COL5A1: variants seen among roughly 807,000 people sequenced by gnomAD.
COL5A1 encodes collagen type V alpha 1 chain, also known as collagen alpha-1(V) chain.
In COL5A1, 16 loss-of-function variants were observed where a neutral mutation model predicts 263.7. That is an observed-to-expected ratio of 0.06 (90% CI 0.04 to 0.09). The LOEUF is 0.09. Ranked by LOEUF, COL5A1 falls within the 10% of genes least tolerant of loss-of-function variation. The pLI, the probability that COL5A1 is intolerant of heterozygous loss-of-function variation, is 1.00. For synonymous variants in COL5A1, 1,012 were observed against 1,004.5 expected, an observed-to-expected ratio of 1.01 and a Z score of -0.14; for missense variants, 2,036 against 2,540.5, an observed-to-expected ratio of 0.80 and a Z score of 4.27.
rs150983463 is a variant in COL5A1 at position 134,818,347 on chromosome 9, C to G, written c.4231-309C>G. Among the ~76,000 whole-genome samples, 1 of 152,150 alleles carries G rather than the reference C, an allele frequency of 6.6e-6. No homozygotes were observed. The highest frequency in any genetic ancestry group is 6.5e-5 in the Admixed American group (1 of 15,280). Reference sequence around the variant, plus strand: ...GCACTGTCTGCCTCCCTCCTGGAGGCGCCTGTTGTTAAGGAGACGGGAGGT... The same window carrying G: ...GCACTGTCTGCCTCCCTCCTGGAGGGGCCTGTTGTTAAGGAGACGGGAGGT... On this transcript the variant is annotated intron_variant, in intron 54 of 65. Coordinates refer to ENST00000371817, the MANE Select transcript of COL5A1 (RefSeq NM_000093.5). This position sits in a 1 kb window ranked among gnomAD's most constrained non-coding sequence, Gnocchi z 6.0.
At chr9:134,709,195 C>T (rs896958746) in intron 4 of COL5A1, 6 of 349,878 alleles carry the variant, frequency 1.7e-5, no homozygotes, top group East Asian at 1.5e-4. Context: ...AGGGGTTTTT[C>T]GTCTCTTAAA....
Position 134,818,698 on chromosome 9 carries a change from A to G in COL5A1, c.4273A>G (p.Ile1425Val). The G allele has an allele frequency of 2.5e-6, 4 of 1,609,444 alleles. No homozygotes were observed. The highest frequency in any genetic ancestry group is 2.5e-6 in the Non-Finnish European group (3 of 1,178,580). ...LEGPPGKTGP[I>V]GPQGAPGKPG... ...AGGCCCTCCTGGGAAGACTGGCCCCATCGGCCCCCAGGGGGCCCCTGGGAA... is the reference window on the plus strand; with the variant it reads ...AGGCCCTCCTGGGAAGACTGGCCCCGTCGGCCCCCAGGGGGCCCCTGGGAA... Residue 1425 changes from isoleucine (I) to valine (V), a missense_variant, in exon 55 of 66, where the codon ATC becomes GTC. Physicochemically the swap from Ile to Val is conservative, Grantham distance 29. Around this residue, in one of 3 missense-constraint regions of COL5A1, gnomAD observed 1,078 missense variants for 1,521.4 expected, o/e 0.71. Coordinates refer to ENST00000371817, the MANE Select transcript of COL5A1 (RefSeq NM_000093.5). This position sits in a 1 kb window ranked among gnomAD's most constrained non-coding sequence, Gnocchi z 6.0.
At chr9:134,729,474 G>A (rs1588478253) in intron 6 of COL5A1, among the ~76,000 whole-genome samples, 1 of 151,388 alleles carries the variant, frequency 6.6e-6, no homozygotes, top group Non-Finnish European at 1.5e-5. Flanking sequence ...TGAGCATGTG[G>A]CATGCAGGCA....
At chr9:134,687,415 TCATCCATCCATCCATCCATC>T (rs5901049) in intron 1 of COL5A1, among the ~76,000 whole-genome samples, 6 of 147,722 alleles carry the variant, frequency 4.1e-5, no homozygotes, top group East Asian at 4.0e-4. Flanking sequence ...CTCTGGGACT[TCATCCATCCATCCATCCATC>T]CATCCATCCA....
intron 1 of COL5A1, among the ~76,000 whole-genome samples, chr9:134,683,032 G>T (rs1832907865): frequency 6.6e-6 from 1 of 152,210 alleles, no homozygotes; most frequent in Admixed American, 6.5e-5. Context: ...CTCAGACCCG[G>T]CTTCCTTCCT....
chr9:134,803,000 G>GT lies in COL5A1; in HGVS notation c.3114+8dup. The GT allele has an allele frequency of 6.3e-7, 1 of 1,589,384 alleles. No homozygotes were observed. Among genetic ancestry groups the GT allele is most frequent in the Non-Finnish European group, 8.6e-7 (1 of 1,166,944 alleles). Reference sequence around the variant, plus strand: ...GCTGGAAAAGAAGGGACGAAGGTGAGTTTCTGGAGCCTTCTGTGTCAGCTC... The same window carrying GT: ...GCTGGAAAAGAAGGGACGAAGGTGAGTTTTCTGGAGCCTTCTGTGTCAGCTC... On this transcript the variant is annotated splice_donor_region_variant and intron_variant, in intron 39 of 65. Coordinates refer to ENST00000371817, the MANE Select transcript of COL5A1 (RefSeq NM_000093.5).
chr9:134,804,952 C>T, intron 39 of COL5A1, 23 bp from the exon 40 acceptor site: 1 of 1,603,124 alleles, frequency 6.2e-7, no homozygotes, highest in Non-Finnish European at 8.5e-7. Context: ...TCCAGGAAAG[C>T]TCATCTCTGA....
At chr9:134,802,504 C>T (rs900985897) in intron 38 of COL5A1, among the ~76,000 whole-genome samples, 5 of 152,236 alleles carry the variant, frequency 3.3e-5, no homozygotes, top group Admixed American at 1.3e-4. Context: ...AAGACGTAGA[C>T]CTGCTGCAGC....
intron 31 of COL5A1, among the ~76,000 whole-genome samples, chr9:134,786,481 C>T (rs1837463944): frequency 6.6e-6 from 1 of 152,228 alleles, no homozygotes; most frequent in South Asian, 2.1e-4. Context: ...GAGTCCCCTG[C>T]AGTCTTCTGC....
rs185588374 is a variant in COL5A1 at position 134,689,999 on chromosome 9, T to C, written c.110-913T>C. Among the ~76,000 whole-genome samples the C allele has an allele frequency of 1.3e-3, 195 of 152,312 alleles. 3 individuals are homozygous for C. The highest frequency in any genetic ancestry group is 0.012 in the Admixed American group (180 of 15,308). ...TCGCGCCTTGTGGTGGATGCAGGTC[T>C]GGGGTCCTCGTGGTGTGGGGGAAGG... On this transcript the variant is annotated intron_variant, in intron 1 of 65. Coordinates refer to ENST00000371817, the MANE Select transcript of COL5A1 (RefSeq NM_000093.5).
chr9:134,825,686 G>T, intron 62 of COL5A1, 106 bp from the exon 63 acceptor site: 1 of 722,264 alleles, frequency 1.4e-6, no homozygotes, highest in East Asian at 2.8e-5. Flanking sequence ...CATTCCTGGG[G>T]CGTGCATTTT....
chr9:134,826,351 G>A (rs543092150), intron 63 of COL5A1, among the ~76,000 whole-genome samples: 4 of 152,294 alleles, frequency 2.6e-5, no homozygotes, highest in South Asian at 2.1e-4. Flanking sequence ...GGTTGGCCCT[G>A]GTCCCTCCTG....
intron 58 of COL5A1, 150 bp downstream of exon 58, chr9:134,820,373 A>G (rs1838945891): frequency 1.4e-6 from 1 of 711,210 alleles, no homozygotes; most frequent in Non-Finnish European, 2.5e-6. Flanking sequence ...AGATGGGAAC[A>G]CTGACGGGCT....
intron 24 of COL5A1, 128 bp from the exon 25 acceptor site, chr9:134,768,282 G>A: frequency 1.1e-6 from 1 of 879,994 alleles, no homozygotes. Flanking sequence ...GGGACCCAGT[G>A]CCTCTGACCA....
intron 64 of COL5A1, among the ~76,000 whole-genome samples, chr9:134,830,611 C>T (rs1839574319): frequency 6.6e-6 from 1 of 152,240 alleles, no homozygotes; most frequent in Non-Finnish European, 1.5e-5. Flanking sequence ...CCACGGATCC[C>T]CTCTCCCCAG....
rs368323125 is a variant in COL5A1, at chr9:134,754,240, C to A, written c.1774-33C>A. 6.8e-6 allele frequency: 11 copies of A among 1,610,326 alleles called. No individual in the cohort carries two copies. In the South Asian group the frequency reaches 1.2e-4, roughly 18 times the overall value. On this transcript the variant is annotated intron_variant, in intron 15 of 65. Coordinates refer to ENST00000371817, the MANE Select transcript of COL5A1 (RefSeq NM_000093.5). The surrounding 1 kb of genome is among the most constrained non-coding windows in gnomAD (Gnocchi z 4.3). ...CTCTTTCTCCTGAGAAAGGCGGACT[C>A]GCCACTGACCCTTTGTCTCTTACCC...
In COL5A1 at chr9:134,786,047, A is replaced by C. The variant is rs893268204; in HGVS notation, c.2645A>C (p.Lys882Thr). 1 of 1,612,240 alleles carries C rather than the reference A, an allele frequency of 6.2e-7. No individual in the cohort carries two copies. Among genetic ancestry groups the C allele is most frequent in the African/African-American group, 1.3e-5 (1 of 74,882 alleles). The change falls in exon 31 of 66, where the codon AAG (lysine) becomes ACG (threonine). Residue 882 changes from lysine (K) to threonine (T), a missense_variant and splice_region_variant. Lys to Thr is a moderately conservative substitution (Grantham distance 78). Transcript: ENST00000371817. ...LPGYPGRQGPKGSIGFPGFPG... is the reference protein window; with the variant it reads ...LPGYPGRQGPTGSIGFPGFPG... Reference sequence around the variant, plus strand: ...GGGTATCCAGGAAGACAAGGACCAAAGGTAACTTCTGGCCGTGTTAGGTGT... The same window carrying C: ...GGGTATCCAGGAAGACAAGGACCAACGGTAACTTCTGGCCGTGTTAGGTGT...
At chr9:134,667,377 A>G (rs1832392247) in intron 1 of COL5A1, among the ~76,000 whole-genome samples, 1 of 152,206 alleles carries the variant, frequency 6.6e-6, no homozygotes, top group Non-Finnish European at 1.5e-5. Context: ...GGCCTTCTTC[A>G]GGGAGTCAGA....
At chr9:134,735,218 A>T (rs1392658837) in intron 9 of COL5A1, among the ~76,000 whole-genome samples, 3 of 152,144 alleles carry the variant, frequency 2.0e-5, no homozygotes, top group Non-Finnish European at 4.4e-5. Context: ...TCAAAAAAAA[A>T]AAAAAAATTG....
Sources: gnomAD v4.1 joint callset for allele counts (sites outside exome capture counted in the v4.1 genomes callset) on GRCh38, gnomAD v4.1.1 for gene constraint, gnomAD v4.1.1 regional missense constraint, Gnocchi (gnomAD v3.1) non-coding constraint, MANE v1.5 for transcripts, NCBI Gene and HGNC (gene_info 2026-07-23, HGNC 2026-07-21) for gene names.